BTN3A2: variants seen among roughly 807,000 people sequenced by gnomAD.
The protein encoded by BTN3A2 is butyrophilin protein.
In BTN3A2, 25 loss-of-function variants were observed where a neutral mutation model predicts 37.6. The ratio of observed to expected loss-of-function variants is 0.66; its 90% confidence interval spans 0.48 to 0.93. The LOEUF is 0.93. Among genes scored for constraint, BTN3A2 ranks in the 40% least tolerant of loss-of-function variants. The pLI is 0.00. For missense variants in BTN3A2, 266 were observed against 410.9 expected, an observed-to-expected ratio of 0.65 and a Z score of 3.05; for synonymous variants, 122 against 159.4, an observed-to-expected ratio of 0.77 and a Z score of 1.77.
At position 26,374,791 on chromosome 6, in the gene BTN3A2, C is replaced by T. The variant is rs901805538; in HGVS notation, c.*27C>T. ...TTCAGAATGGAAAAATGGCCCTCTT[C>T]AAGCCTGGTGAGTAAATCACTGCAT... On this transcript the variant is annotated 3_prime_UTR_variant, in exon 10 of 11. Transcript: ENST00000377708. 1.2e-5 allele frequency: 18 copies of T among 1,529,088 alleles called. No individual in the cohort carries two copies. The Middle Eastern group carries it at 8.5e-4, about 72-fold the overall frequency. 94.7% of individuals were successfully genotyped at this position (1,529,088 alleles called of 1,614,324 possible). A position where few individuals can be genotyped will look rare whatever the true frequency, so the allele number is the denominator to read the frequency against.
At position 26,377,366 on chromosome 6, in the gene BTN3A2, C is replaced by A; in HGVS notation, c.*1604C>A. On this transcript the variant is annotated 3_prime_UTR_variant, in exon 11 of 11. Coordinates refer to ENST00000377708, the MANE Select transcript of BTN3A2 (RefSeq NM_007047.5). ...TGAGTTTGGTGCCACCTTATTGGCC[C>A]CTTTATACAGATAAGGAAACTGGGG... is the stretch of plus-strand genomic sequence containing the variant. The A allele has an allele frequency of 1.8e-6, 1 of 567,240 alleles. No individual in the cohort carries two copies. 35.1% of individuals were successfully genotyped at this position (567,240 alleles called of 1,614,324 possible).
At position 26,375,939 on chromosome 6, in the gene BTN3A2, G is replaced by A; in HGVS notation, c.*177G>A. ...TTAACCTCTGAGGGCCAGCACAGCA[G>A]CTCATGCCTGTAATCCTAGCACTTT... On this transcript the variant is annotated 3_prime_UTR_variant, in exon 11 of 11. Transcript: ENST00000377708. The A allele has an allele frequency of 7.5e-7, 1 of 1,339,674 alleles. No homozygotes were observed. The highest frequency in any genetic ancestry group is 1.0e-6 in the Non-Finnish European group (1 of 967,850). The allele number at this position is 1,339,674 out of a possible 1,614,324, so 83.0% of individuals were successfully genotyped here. A position where few individuals can be genotyped will look rare whatever the true frequency, so the allele number is the denominator to read the frequency against.
At chr6:26,374,262 A>T in intron 8 of BTN3A2, 65 bp from the exon 9 acceptor site, 1 of 816,468 alleles carries the variant, frequency 1.2e-6, no homozygotes, top group Non-Finnish European at 1.9e-6. Context: ...TGCAAAAAGA[A>T]GGGGAAGGGG....
chr6:26,377,370 T>C lies in BTN3A2; in HGVS notation c.*1608T>C, dbSNP rs1760775142. ...TTTGGTGCCACCTTATTGGCCCCTT[T>C]ATACAGATAAGGAAACTGGGGTGTA... On this transcript the variant is annotated 3_prime_UTR_variant, in exon 11 of 11. Coordinates refer to ENST00000377708, the MANE Select transcript of BTN3A2 (RefSeq NM_007047.5). The C allele has an allele frequency of 1.8e-6, 1 of 563,066 alleles. No individual in the cohort carries two copies. The highest frequency in any genetic ancestry group is 1.9e-5 in the South Asian group (1 of 52,192). The allele number at this position is 563,066 out of a possible 1,614,324, so 34.9% of individuals were successfully genotyped here.
rs556560820 is a variant in BTN3A2 at position 26,370,489 on chromosome 6, C to T, written c.601C>T (p.Leu201=). ...EAPVVADGVG[L]YEVAASVIMR... is the part of the protein sequence containing the mutation. ...ACCTGTGGTTGCAGATGGAGTGGGC[C>T]TATATGAAGTAGCAGCATCTGTGAT... The change falls in exon 5 of 11, where the codon CTA becomes TTA. Residue 201 remains leucine (L), a synonymous_variant. Coordinates refer to ENST00000377708, the MANE Select transcript of BTN3A2 (RefSeq NM_007047.5). 16 of 1,614,134 alleles carry T rather than the reference C, an allele frequency of 9.9e-6. No individual in the cohort carries two copies. The highest frequency in any genetic ancestry group is 8.9e-5 in the East Asian group (4 of 44,872).
chr6:26,374,882 A>T, intron 10 of BTN3A2, 84 bp downstream of exon 10: 1 of 1,403,112 alleles, frequency 7.1e-7, no homozygotes, highest in Non-Finnish European at 9.8e-7. Flanking sequence ...AACTCTTGTG[A>T]TTTGGAGCAG....
intron 4 of BTN3A2, among the ~76,000 whole-genome samples, chr6:26,369,450 T>C (rs1759880419): frequency 6.6e-6 from 1 of 152,196 alleles, no homozygotes; most frequent in Non-Finnish European, 1.5e-5. Flanking sequence ...TAGAGCAGAC[T>C]TGGTATACAA....
Position 26,375,896 on chromosome 6 carries a change from T to A in BTN3A2, c.*134T>A, listed in dbSNP as rs1760671341. The A allele has an allele frequency of 1.3e-6, 2 of 1,528,310 alleles. No individual in the cohort carries two copies. Among genetic ancestry groups the A allele is most frequent in the Admixed American group, 2.0e-5 (1 of 50,550 alleles). 94.7% of individuals were successfully genotyped at this position (1,528,310 alleles called of 1,614,324 possible). On this transcript the variant is annotated 3_prime_UTR_variant, in exon 11 of 11. Coordinates refer to ENST00000377708, the MANE Select transcript of BTN3A2 (RefSeq NM_007047.5). ...GGGAACTCATTTAGCTCACGAGTGG[T>A]CGAGTGAAGATTGAAAATTAACCTC...
At chr6:26,374,524 A>G (rs1760510388) in intron 9 of BTN3A2, 151 bp downstream of exon 9, 9 of 928,284 alleles carry the variant, frequency 9.7e-6, no homozygotes, top group Non-Finnish European at 1.0e-5. Flanking sequence ...CCTCTGAGAA[A>G]CTCCTGATCC....
Position 26,376,452 on chromosome 6 carries a change from C to A in BTN3A2, c.*690C>A, listed in dbSNP as rs1760720869. 1.2e-6 allele frequency: 1 copy of A among 831,360 alleles called. No homozygotes were observed. Among genetic ancestry groups the A allele is most frequent in the Non-Finnish European group, 1.7e-6 (1 of 588,720 alleles). 51.5% of individuals were successfully genotyped at this position (831,360 alleles called of 1,614,324 possible). ...ATTGATGAGAGAATCACATTCAGGG[C>A]AGGCTAGGGACACGGGGTTCTGGAA... On this transcript the variant is annotated 3_prime_UTR_variant, in exon 11 of 11. Coordinates refer to ENST00000377708, the MANE Select transcript of BTN3A2 (RefSeq NM_007047.5).
rs372487506 is a variant in BTN3A2 at position 26,368,599 on chromosome 6, C to T, written c.120C>T (p.Ile40=). 9.4e-5 allele frequency: 151 copies of T among 1,613,858 alleles called. No homozygotes were observed. The highest frequency in any genetic ancestry group is 1.8e-4 in the Admixed American group (11 of 59,994). ...QFSVLGPSGP[I]LAMVGEDADL... Reference sequence around the variant, plus strand: ...CTGTGCTTGGACCCTCTGGGCCCATCCTGGCCATGGTGGGTGAAGACGCTG... The same window carrying T: ...CTGTGCTTGGACCCTCTGGGCCCATTCTGGCCATGGTGGGTGAAGACGCTG... The change falls in exon 4 of 11, where the codon ATC becomes ATT. Residue 40 remains isoleucine, a synonymous_variant. Transcript: ENST00000377708.
In BTN3A2 at chr6:26,373,058, A is replaced by G; in HGVS notation, c.877A>G (p.Met293Val). The G allele has an allele frequency of 6.2e-7, 1 of 1,614,206 alleles. No homozygotes were observed. Among genetic ancestry groups the G allele is most frequent in the South Asian group, 1.1e-5 (1 of 91,080 alleles). ...EIESEQEMKE[M>V]GYAATEREIS... ...AGAAAGTGAGCAAGAGATGAAAGAA[A>G]TGGGATATGCTGCAACAGAGCGGGA... Residue 293 changes from methionine to valine, a missense_variant, in exon 6 of 11, where the codon ATG becomes GTG. This residue lies in a region of BTN3A2 where 204 missense variants were observed against 232.6 expected (regional missense o/e 0.88). Transcript: ENST00000377708.
intron 5 of BTN3A2, among the ~76,000 whole-genome samples, chr6:26,372,400 C>G (rs1339699498): frequency 1.3e-5 from 2 of 152,094 alleles, no homozygotes; most frequent in Non-Finnish European, 2.9e-5. Context: ...TAGGCCACTA[C>G]AAACAGAGAG....
Position 26,365,199 on chromosome 6 carries a change from A to C in BTN3A2, c.-220A>C, listed in dbSNP as rs191151710. On this transcript the variant is annotated 5_prime_UTR_variant, in exon 1 of 11. Coordinates refer to ENST00000377708, the MANE Select transcript of BTN3A2 (RefSeq NM_007047.5). ...AAAAAACTAATTCTTCCAAAGAGCGACTCTTACTGTTTCTCATGGTGAGAA... is the reference window on the plus strand; with the variant it reads ...AAAAAACTAATTCTTCCAAAGAGCGCCTCTTACTGTTTCTCATGGTGAGAA... The C allele has an allele frequency of 3.0e-3, 3,302 of 1,098,426 alleles. 146 individuals are homozygous for C. The Admixed American group carries it at 0.067, about 22-fold the overall frequency. 68.0% of individuals were successfully genotyped at this position (1,098,426 alleles called of 1,614,324 possible).
chr6:26,371,725 C>G (rs572749558), intron 5 of BTN3A2, among the ~76,000 whole-genome samples: 2 of 152,064 alleles, frequency 1.3e-5, no homozygotes, highest in East Asian at 3.9e-4. Context: ...ATTGCCCAGG[C>G]TTGAGTGCAG....
chr6:26,372,866 C>T (rs1358124185), intron 5 of BTN3A2, 31 bp from the exon 6 acceptor site: 15 of 1,611,754 alleles, frequency 9.3e-6, no homozygotes, highest in East Asian at 4.5e-5. Flanking sequence ...AGCGCACCAG[C>T]GCCCATGACC....
At chr6:26,373,127 C>T (rs958039806) in intron 6 of BTN3A2, 30 bp downstream of exon 6, 2 of 1,610,928 alleles carry the variant, frequency 1.2e-6, no homozygotes, top group Non-Finnish European at 1.7e-6. Flanking sequence ...AATCTAAGCT[C>T]TTGGCTTGCA....
chr6:26,368,308 GCAGA>G, intron 3 of BTN3A2, 41 bp downstream of exon 3: 1 of 1,603,192 alleles, frequency 6.2e-7, no homozygotes, highest in South Asian at 1.1e-5. Context: ...TGTTTCTGAA[GCAGA>G]CAATTATCTC....
chr6:26,365,887 A>T (rs960258386), intron 1 of BTN3A2, among the ~76,000 whole-genome samples: 1 of 152,224 alleles, frequency 6.6e-6, no homozygotes, highest in Non-Finnish European at 1.5e-5. Context: ...TGGGGAATAG[A>T]CAAACAATGC....
Sources: allele counts gnomAD v4.1 joint callset (sites outside exome capture counted in the v4.1 genomes callset), GRCh38; gene constraint gnomAD v4.1.1; regional missense constraint gnomAD v4.1.1; transcripts MANE v1.5; gene names NCBI Gene and HGNC (gene_info 2026-07-23, HGNC 2026-07-21).